KCNIP4: variants seen among roughly 807,000 people sequenced by gnomAD.
KCNIP4 encodes Kv channel-interacting protein 4.
A neutral mutation model predicts 34.0 loss-of-function variants in KCNIP4; 12 were observed. That is an observed-to-expected ratio of 0.35 (90% CI 0.23 to 0.57). The LOEUF (loss-of-function observed/expected upper bound fraction) is 0.57, where lower values mean the gene tolerates loss of function less well. Ranked by LOEUF, KCNIP4 falls within the 20% of genes least tolerant of loss-of-function variation. KCNIP4 has a pLI of 0.83. For synonymous variants in KCNIP4, 124 were observed against 102.2 expected (o/e 1.21, Z -1.29); for missense variants, 238 against 311.7 (o/e 0.76, Z 1.78).
intron 1 of KCNIP4, among the ~76,000 whole-genome samples, chr4:21,337,592 A>G (rs960963027): frequency 6.6e-6 from 1 of 152,178 alleles, no homozygotes; most frequent in African/African-American, 2.4e-5. Context: ...GAATTTTAGT[A>G]TTCCCACATA....
intron 1 of KCNIP4, among the ~76,000 whole-genome samples, chr4:21,098,757 T>A (rs1747680622): frequency 1.3e-5 from 2 of 152,226 alleles, no homozygotes; most frequent in Non-Finnish European, 1.5e-5. Flanking sequence ...GCATCCATTC[T>A]GTAGCTCATG....
At chr4:20,843,607 G>A (rs921353901) in intron 3 of KCNIP4, among the ~76,000 whole-genome samples, 1 of 152,148 alleles carries the variant, frequency 6.6e-6, no homozygotes, top group Non-Finnish European at 1.5e-5. Context: ...GTGCACGCCT[G>A]TAATCCCAGC....
intron 1 of KCNIP4, among the ~76,000 whole-genome samples, chr4:20,922,513 GTGAC>G (rs1309443391): frequency 1.8e-5 from 2 of 109,098 alleles, no homozygotes; most frequent in African/African-American, 3.0e-5. Flanking sequence ...TCATAATAGT[GTGAC>G]TGTCTGTCTG....
chr4:21,034,949 A>T lies in KCNIP4; in HGVS notation c.62-152240T>A, dbSNP rs951879020. On this transcript the variant is annotated intron_variant, in intron 1 of 8. Transcript: ENST00000382152. ...CACTGACAGTTCTTTCTTACTGTCAATTTTGCAGAGCCCAGAGGCAGATGC... is the reference window on the plus strand; with the variant it reads ...CACTGACAGTTCTTTCTTACTGTCATTTTTGCAGAGCCCAGAGGCAGATGC... 9.2e-5 allele frequency among the ~76,000 whole-genome samples: 14 copies of T among 152,168 alleles called. No homozygotes were observed. The East Asian group carries it at 2.5e-3, about 27-fold the overall frequency.
chr4:21,183,185 T>A (rs1276146573), intron 1 of KCNIP4, among the ~76,000 whole-genome samples: 1 of 152,130 alleles, frequency 6.6e-6, no homozygotes, highest in Non-Finnish European at 1.5e-5. Context: ...ATGACAGAAT[T>A]TCCCTCTTTT....
intron 1 of KCNIP4, among the ~76,000 whole-genome samples, chr4:21,838,073 G>C (rs1723459000): frequency 2.0e-5 from 3 of 152,066 alleles, no homozygotes; most frequent in African/African-American, 7.2e-5. Context: ...TAAGGACAAA[G>C]AAGTAATTTC....
chr4:21,367,006 G>A (rs978415405), intron 1 of KCNIP4, among the ~76,000 whole-genome samples: 2 of 152,088 alleles, frequency 1.3e-5, no homozygotes, highest in Non-Finnish European at 2.9e-5. Context: ...CTTTAAAAAG[G>A]CTTGAGGGAG....
chr4:21,715,318 C>G (rs763245334), intron 1 of KCNIP4, among the ~76,000 whole-genome samples: 41 of 151,784 alleles, frequency 2.7e-4, no homozygotes, highest in African/African-American at 7.7e-4. Context: ...TTTTAGTAGA[C>G]ACGGGGTTTC....
intron 1 of KCNIP4, among the ~76,000 whole-genome samples, chr4:21,097,083 C>G (rs2109058589): frequency 6.6e-6 from 1 of 152,128 alleles, no homozygotes; most frequent in East Asian, 1.9e-4. Context: ...CCCACCAATT[C>G]CATTTCTAGC....
chr4:21,802,587 G>C (rs867189457), intron 1 of KCNIP4, among the ~76,000 whole-genome samples: 18 of 152,234 alleles, frequency 1.2e-4, no homozygotes, highest in Middle Eastern at 6.8e-3. Context: ...CAGGTTTCCT[G>C]ACTCCTGGAC....
intron 1 of KCNIP4, among the ~76,000 whole-genome samples, chr4:20,938,383 G>C (rs1731296657): frequency 6.6e-6 from 1 of 152,092 alleles, no homozygotes; most frequent in Non-Finnish European, 1.5e-5. Flanking sequence ...TCCTATGACT[G>C]TGCTTGTCAC....
intron 5 of KCNIP4, among the ~76,000 whole-genome samples, chr4:20,741,373 C>T (rs1156465248): frequency 6.6e-6 from 1 of 152,224 alleles, no homozygotes; most frequent in Non-Finnish European, 1.5e-5. Flanking sequence ...CAAACTGTCT[C>T]TCAGACTACA....
chr4:21,775,662 G>C (rs1044958403), intron 1 of KCNIP4, among the ~76,000 whole-genome samples: 1 of 152,170 alleles, frequency 6.6e-6, no homozygotes, highest in African/African-American at 2.4e-5. Flanking sequence ...CCTCTGGCTG[G>C]AGTTATTGGA....
intron 1 of KCNIP4, among the ~76,000 whole-genome samples, chr4:20,951,922 T>C (rs1732826514): frequency 6.6e-6 from 1 of 152,212 alleles, no homozygotes; most frequent in Non-Finnish European, 1.5e-5. Context: ...ATAAAGTAAA[T>C]TTGTTAAAAG....
In KCNIP4 at chr4:21,780,832, A is replaced by G. The variant is rs547703081; in HGVS notation, c.61+167739T>C. ...CTAACATTAAGGTGCTGTCTGGACC[A>G]TGTTCCCTCTGAAGCTGCTAGGGGA... is the stretch of plus-strand genomic sequence containing the variant. On this transcript the variant is annotated intron_variant, in intron 1 of 8. Coordinates refer to ENST00000382152, the MANE Select transcript of KCNIP4 (RefSeq NM_025221.6). Among the ~76,000 whole-genome samples, 8 of 152,322 alleles carry G rather than the reference A, an allele frequency of 5.3e-5. No individual in the cohort carries two copies. The South Asian group carries it at 1.5e-3, about 28-fold the overall frequency.
At chr4:20,875,722 T>C (rs1377763863) in intron 2 of KCNIP4, among the ~76,000 whole-genome samples, 7 of 152,014 alleles carry the variant, frequency 4.6e-5, no homozygotes, top group Non-Finnish European at 1.0e-4. Flanking sequence ...AGGTTAAACA[T>C]TAAAAAAAAA....
chr4:21,527,411 A>T (rs1159246748), intron 1 of KCNIP4, among the ~76,000 whole-genome samples: 3 of 152,124 alleles, frequency 2.0e-5, no homozygotes, highest in Admixed American at 2.0e-4. Context: ...TTTTACACTC[A>T]TGGAAGATGT....
At chr4:21,135,996 T>C (rs1482586859) in intron 1 of KCNIP4, among the ~76,000 whole-genome samples, 1 of 152,196 alleles carries the variant, frequency 6.6e-6, no homozygotes, top group African/African-American at 2.4e-5. Context: ...GCTTAAGTAG[T>C]AGTATTTATT....
intron 5 of KCNIP4, among the ~76,000 whole-genome samples, chr4:20,745,873 TG>T (rs1450918351): frequency 6.6e-6 from 1 of 152,160 alleles, no homozygotes; most frequent in Non-Finnish European, 1.5e-5. Flanking sequence ...GTTGCCTTAC[TG>T]GGTAATGAGA....
Sources: gnomAD v4.1 joint callset for allele counts (sites outside exome capture counted in the v4.1 genomes callset) on GRCh38, gnomAD v4.1.1 for gene constraint, MANE v1.5 for transcripts, NCBI Gene and HGNC (gene_info 2026-07-23, HGNC 2026-07-21) for gene names.